Variants in FBXL17 observed in about 807,000 individuals in gnomAD.
FBXL17 encodes the protein F-box/LRR-repeat protein 17.
Under a neutral mutation model 66.2 loss-of-function variants are expected in FBXL17, and 22 were observed. The observed-to-expected ratio is 0.33, with a 90% CI of 0.24 to 0.47. The LOEUF (loss-of-function observed/expected upper bound fraction) is 0.47, where lower values mean the gene tolerates loss of function less well. Ranked by LOEUF, FBXL17 falls within the 20% of genes least tolerant of loss-of-function variation. FBXL17 has a pLI of 1.00. For missense variants in FBXL17, 878 were observed against 948.2 expected, an observed-to-expected ratio of 0.93 and a Z score of 0.97; for synonymous variants, 474 against 400.5, an observed-to-expected ratio of 1.18 and a Z score of -2.19.
chr5:108,218,702 T>C (rs1293161553), intron 5 of FBXL17, among the ~76,000 whole-genome samples: 1 of 151,816 alleles, frequency 6.6e-6, no homozygotes, highest in African/African-American at 2.4e-5. Flanking sequence ...TTTTTTTTCA[T>C]ATACTTGCTG....
rs753955644 is a variant in FBXL17 at position 108,052,068 on chromosome 5, G to T, written c.1746-31067C>A. ...GCGGAGCTTGCACTGAGCCGAGATC[G>T]TGCCACTGCACTCCAGCCTAAGCAA... On this transcript the variant is annotated intron_variant, in intron 6 of 8. Transcript: ENST00000542267. Among the ~76,000 whole-genome samples the T allele has an allele frequency of 4.8e-5, 7 of 144,480 alleles. No homozygotes were observed. The South Asian group carries it at 1.6e-3, about 33-fold the overall frequency. 94.8% of individuals were successfully genotyped at this position (144,480 alleles called of 152,430 possible). A position where few individuals can be genotyped will look rare whatever the true frequency, so the allele number is the denominator to read the frequency against.
chr5:108,374,660 A>T (rs1167463870), intron 1 of FBXL17, among the ~76,000 whole-genome samples: 1 of 152,128 alleles, frequency 6.6e-6, no homozygotes, highest in African/African-American at 2.4e-5. Flanking sequence ...TGGGTGATAC[A>T]GTGAGACTCT....
intron 1 of FBXL17, among the ~76,000 whole-genome samples, chr5:108,375,913 T>C (rs1235547867): frequency 2.0e-5 from 3 of 152,168 alleles, no homozygotes; most frequent in Non-Finnish European, 2.9e-5. Flanking sequence ...AGAAGGGTTA[T>C]ACACCATGAC....
chr5:108,001,434 A>G (rs1753723499), intron 7 of FBXL17, among the ~76,000 whole-genome samples: 1 of 152,226 alleles, frequency 6.6e-6, no homozygotes, highest in South Asian at 2.1e-4. Context: ...CTGTATTTAA[A>G]TATTTGAGTA....
chr5:108,243,355 T>C (rs978248890), intron 4 of FBXL17, among the ~76,000 whole-genome samples: 10 of 152,212 alleles, frequency 6.6e-5, no homozygotes, highest in Admixed American at 3.9e-4. Context: ...TCTCTGACTG[T>C]TCCATCTTTA....
At chr5:108,131,572 C>A (rs1750932740) in intron 6 of FBXL17, among the ~76,000 whole-genome samples, 1 of 152,090 alleles carries the variant, frequency 6.6e-6, no homozygotes, top group Admixed American at 6.6e-5. Context: ...TACTTCTTAC[C>A]AACTAATCAC....
chr5:107,957,238 G>A (rs569863424), intron 7 of FBXL17, among the ~76,000 whole-genome samples: 15 of 152,162 alleles, frequency 9.9e-5, no homozygotes, highest in Non-Finnish European at 2.2e-4. Flanking sequence ...AGGATAATAG[G>A]GACAGAGACC....
At chr5:108,101,135 C>G (rs910410547) in intron 6 of FBXL17, among the ~76,000 whole-genome samples, 3 of 152,212 alleles carry the variant, frequency 2.0e-5, no homozygotes, top group African/African-American at 7.2e-5. Context: ...TTTACATCAG[C>G]CACTTGTTTC....
chr5:108,226,736 G>A (rs1027176763), intron 4 of FBXL17, among the ~76,000 whole-genome samples: 3 of 152,140 alleles, frequency 2.0e-5, no homozygotes, highest in African/African-American at 7.2e-5. Context: ...TCTGTCAAAG[G>A]TCTGAATAGA....
intron 4 of FBXL17, among the ~76,000 whole-genome samples, chr5:108,332,538 G>A (rs957122995): frequency 6.6e-6 from 1 of 152,122 alleles, no homozygotes; most frequent in Non-Finnish European, 1.5e-5. Context: ...CTAAATCAGA[G>A]TAATACTATC....
intron 4 of FBXL17, among the ~76,000 whole-genome samples, chr5:108,287,594 T>C (rs1757949576): frequency 6.6e-6 from 1 of 151,998 alleles, no homozygotes; most frequent in South Asian, 2.1e-4. Flanking sequence ...AGAATGACTA[T>C]TATTTAAAAA....
intron 1 of FBXL17, among the ~76,000 whole-genome samples, 167 bp from the exon 2 acceptor site, chr5:108,368,120 G>A (rs1029041735): frequency 1.3e-5 from 2 of 152,060 alleles, no homozygotes; most frequent in African/African-American, 4.8e-5. Context: ...GAGAAACTAT[G>A]ATACAGGAGC....
chr5:108,239,051 A>G (rs1473938706), intron 4 of FBXL17, among the ~76,000 whole-genome samples: 1 of 152,028 alleles, frequency 6.6e-6, no homozygotes, highest in Non-Finnish European at 1.5e-5. Flanking sequence ...ATGTACTAAT[A>G]TAACTTTGAC....
chr5:107,999,278 G>T (rs1042840483), intron 7 of FBXL17, among the ~76,000 whole-genome samples: 2 of 152,030 alleles, frequency 1.3e-5, no homozygotes, highest in Non-Finnish European at 2.9e-5. Flanking sequence ...CTAGGTCTTC[G>T]ACAAATACCT....
intron 7 of FBXL17, among the ~76,000 whole-genome samples, chr5:107,949,120 T>C (rs1751410484): frequency 6.6e-6 from 1 of 150,870 alleles, no homozygotes; most frequent in Non-Finnish European, 1.5e-5. Context: ...TTAAGGATTT[T>C]AGGTGAATGG....
intron 1 of FBXL17, among the ~76,000 whole-genome samples, chr5:108,370,277 T>C (rs770081315): frequency 1.2e-4 from 19 of 152,204 alleles, no homozygotes; most frequent in South Asian, 6.2e-4. Flanking sequence ...TTTGTTGTAA[T>C]ACATGATTTC....
chr5:108,190,346 G>T (rs979798072), intron 5 of FBXL17, among the ~76,000 whole-genome samples: 3 of 152,106 alleles, frequency 2.0e-5, no homozygotes, highest in Non-Finnish European at 4.4e-5. Context: ...GTTTTGATGT[G>T]GCCACTCTTG....
Position 108,380,749 on chromosome 5 carries a change from G to C in FBXL17, c.943C>G (p.Pro315Ala), listed in dbSNP as rs756512270. ...ENPCDCHREP[P>A]PETPDINQLP... ...TGGTTGATGTCTGGGGTTTCGGGGG[G>C]CGGCTCCCTGTGACAGTCGCAGGGG... Residue 315 changes from proline (P) to alanine (A), a missense_variant, in exon 1 of 9, where the codon CCC (proline) becomes GCC (alanine). Physicochemically the swap from Pro to Ala is conservative, Grantham distance 27. This residue lies in a region of FBXL17 where 605 missense variants were observed against 509.5 expected (regional missense o/e 1.19). Transcript: ENST00000542267. The C allele has an allele frequency of 3.2e-6, 4 of 1,250,036 alleles. No homozygotes were observed. The highest frequency in any genetic ancestry group is 4.0e-6 in the Non-Finnish European group (4 of 989,704). The allele number at this position is 1,250,036 out of a possible 1,614,324, so 77.4% of individuals were successfully genotyped here.
intron 7 of FBXL17, among the ~76,000 whole-genome samples, chr5:107,890,453 G>A (rs757699760): frequency 1.3e-5 from 2 of 151,756 alleles, no homozygotes; most frequent in Non-Finnish European, 2.9e-5. Flanking sequence ...CTTGAGGCCC[G>A]GAGTTCAAGA....
Sources: allele counts gnomAD v4.1 joint callset (sites outside exome capture counted in the v4.1 genomes callset), GRCh38; gene constraint gnomAD v4.1.1; regional missense constraint gnomAD v4.1.1; transcripts MANE v1.5; gene names NCBI Gene and HGNC (gene_info 2026-07-23, HGNC 2026-07-21).